The following YWHAE variants were observed in gnomAD, a reference collection of about 807,000 sequenced individuals.
YWHAE encodes tyrosine 3-monooxygenase/tryptophan 5-monooxygenase activation protein epsilon.
In YWHAE, 4 loss-of-function variants were observed where a neutral mutation model predicts 30.1. The observed-to-expected ratio is 0.13, with a 90% CI of 0.07 to 0.30. The LOEUF is 0.30. Ranked by LOEUF, YWHAE falls within the 10% of genes least tolerant of loss-of-function variation. YWHAE has a pLI of 1.00. For missense variants in YWHAE, 121 were observed against 315.9 expected (o/e 0.38, Z 4.68); for synonymous variants, 118 against 111.8 (o/e 1.06, Z -0.35).
intron 5 of YWHAE, chr17:1,352,235 T>C (rs1240768517): frequency 6.6e-6 from 1 of 152,168 alleles, no homozygotes; most frequent in Non-Finnish European, 1.5e-5. Flanking sequence ...AAGTCCTACG[T>C]ATGTGAATAT....
At chr17:1,398,653 G>A (rs1339510521) in intron 1 of YWHAE, among the ~76,000 whole-genome samples, 6 of 152,090 alleles carry the variant, frequency 3.9e-5, no homozygotes, top group Admixed American at 3.3e-4. Flanking sequence ...AAAACCACAG[G>A]ACCCACAGAC....
At chr17:1,375,694 T>C (rs928771269) in intron 1 of YWHAE, among the ~76,000 whole-genome samples, 1 of 152,170 alleles carries the variant, frequency 6.6e-6, no homozygotes, top group Non-Finnish European at 1.5e-5. Flanking sequence ...CCAAGTAAGT[T>C]TCCCTTCATT....
chr17:1,388,480 C>G (rs989566558), intron 1 of YWHAE, among the ~76,000 whole-genome samples: 3 of 150,728 alleles, frequency 2.0e-5, no homozygotes, highest in African/African-American at 7.3e-5. Flanking sequence ...GCAAGTGGAG[C>G]GCCACTGCAC....
intron 1 of YWHAE, among the ~76,000 whole-genome samples, chr17:1,375,406 G>A (rs4790082): frequency 0.57 from 86,956 of 151,978 alleles, 26,163 homozygotes; most frequent in African/African-American, 0.75. Flanking sequence ...TCACCTTTGC[G>A]GCAAGTATTT....
intron 1 of YWHAE, among the ~76,000 whole-genome samples, chr17:1,376,337 A>AAGAC (rs746057683): frequency 6.6e-6 from 1 of 152,254 alleles, no homozygotes; most frequent in Admixed American, 6.5e-5. Context: ...CGAAGACAGA[A>AAGAC]AGACAGACAG....
intron 1 of YWHAE, among the ~76,000 whole-genome samples, chr17:1,387,929 T>C (rs1459480259): frequency 7.5e-6 from 1 of 133,668 alleles, no homozygotes; most frequent in Non-Finnish European, 1.6e-5. Context: ...CCTGGCTTTT[T>C]TTTTTTTTTT....
rs2072712711 is a variant in YWHAE, at chr17:1,355,114, TTTAAAAAAAAAA to T, written c.579-779_579-768del. Among the ~76,000 whole-genome samples the T allele has an allele frequency of 1.7e-3, 3 of 1,796 alleles. 1 individual carries two copies. The East Asian group carries it at 0.06, about 36-fold the overall frequency. 1.2% of individuals were successfully genotyped at this position (1,796 alleles called of 152,430 possible). A position where few individuals can be genotyped will look rare whatever the true frequency, so the allele number is the denominator to read the frequency against. ...GTACACACTACCACCCCCAAGATTT[TTTAAAAAAAAAA>T]AAAAAAAAAAAAAAAAAAAAAATTT... On this transcript the variant is annotated intron_variant, in intron 4 of 5. Transcript: ENST00000264335.
intron 1 of YWHAE, among the ~76,000 whole-genome samples, chr17:1,394,001 A>G (rs1317482374): frequency 6.6e-6 from 1 of 152,210 alleles, no homozygotes. Context: ...AGATGCTATT[A>G]GAATTGTTAA....
intron 4 of YWHAE, among the ~76,000 whole-genome samples, chr17:1,357,550 A>C (rs1166848122): frequency 6.6e-6 from 1 of 151,932 alleles, no homozygotes; most frequent in Admixed American, 6.6e-5. Context: ...ACTGTACTCC[A>C]GCCACAGCAG....
intron 4 of YWHAE, among the ~76,000 whole-genome samples, chr17:1,356,788 G>C (rs1172164732): frequency 1.4e-5 from 2 of 143,892 alleles, no homozygotes; most frequent in South Asian, 4.4e-4. Context: ...GTGAAAACCT[G>C]TCTCTACTAA....
At chr17:1,378,727 C>T (rs1020003373) in intron 1 of YWHAE, among the ~76,000 whole-genome samples, 1 of 152,000 alleles carries the variant, frequency 6.6e-6, no homozygotes, top group South Asian at 2.1e-4. Flanking sequence ...GGTGGATCAC[C>T]TGAGGTTAGG....
Position 1,344,650 on chromosome 17 carries a change from T to C in YWHAE, c.*797A>G. The C allele has an allele frequency of 4.3e-6, 1 of 230,434 alleles. No homozygotes were observed. The highest frequency in any genetic ancestry group is 8.6e-6 in the Non-Finnish European group (1 of 116,422). The allele number at this position is 230,434 out of a possible 1,614,324, so 14.3% of individuals were successfully genotyped here. A position where few individuals can be genotyped will look rare whatever the true frequency, so the allele number is the denominator to read the frequency against. Reference sequence around the variant, plus strand: ...TCTGTGGCTCCAGTCAGATATCCAGTAGTACAAATTAGCTTCAAGTTACAC... The same window carrying C: ...TCTGTGGCTCCAGTCAGATATCCAGCAGTACAAATTAGCTTCAAGTTACAC... On this transcript the variant is annotated 3_prime_UTR_variant, in exon 6 of 6. Transcript: ENST00000264335.
At chr17:1,364,393 A>C (rs1405900264) in intron 2 of YWHAE, among the ~76,000 whole-genome samples, 2 of 152,016 alleles carry the variant, frequency 1.3e-5, no homozygotes, top group Non-Finnish European at 2.9e-5. Context: ...CGCCCAGCTA[A>C]TGTTTTGTAT....
chr17:1,365,679 G>C (rs540153308), intron 1 of YWHAE, among the ~76,000 whole-genome samples: 1 of 152,168 alleles, frequency 6.6e-6, no homozygotes, highest in Admixed American at 6.6e-5. Context: ...ACACAACGGC[G>C]TGTGAATGCA....
At chr17:1,368,956 A>G (rs1189348729) in intron 1 of YWHAE, among the ~76,000 whole-genome samples, 3 of 152,222 alleles carry the variant, frequency 2.0e-5, no homozygotes, top group African/African-American at 2.4e-5. Flanking sequence ...CTTATGATTT[A>G]ATTTTGTTCA....
At chr17:1,365,214 A>C (rs1839487299) in intron 1 of YWHAE, among the ~76,000 whole-genome samples, 156 bp from the exon 2 acceptor site, 1 of 151,678 alleles carries the variant, frequency 6.6e-6, no homozygotes. Context: ...AAAAGCCAAA[A>C]ACATGTAAAG....
intron 1 of YWHAE, among the ~76,000 whole-genome samples, chr17:1,396,428 G>GA (rs946155750): frequency 4.0e-5 from 6 of 151,386 alleles, no homozygotes; most frequent in Admixed American, 1.3e-4. Context: ...CGTCTCAAAA[G>GA]AAAAAAAAGA....
intron 4 of YWHAE, among the ~76,000 whole-genome samples, chr17:1,354,662 G>A (rs1218036944): frequency 6.6e-6 from 1 of 152,042 alleles, no homozygotes; most frequent in Non-Finnish European, 1.5e-5. Flanking sequence ...ATTTCAAAAA[G>A]TTTTGTTTGT....
intron 1 of YWHAE, among the ~76,000 whole-genome samples, chr17:1,393,171 T>A (rs1032843204): frequency 1.1e-4 from 13 of 115,122 alleles, no homozygotes; most frequent in South Asian, 2.6e-4. Flanking sequence ...AATAAATAAA[T>A]AAAATTTAAA....
Sources: gnomAD v4.1 joint callset for allele counts (sites outside exome capture counted in the v4.1 genomes callset) on GRCh38, gnomAD v4.1.1 for gene constraint, MANE v1.5 for transcripts, NCBI Gene and HGNC (gene_info 2026-07-23, HGNC 2026-07-21) for gene names.